Variants in COL24A1 observed in about 807,000 individuals in gnomAD.
COL24A1 encodes collagen alpha-1(XXIV) chain.
Under a neutral mutation model 253.9 loss-of-function variants are expected in COL24A1, and 224 were observed. The observed-to-expected ratio is 0.88, with a 90% CI of 0.79 to 0.99. COL24A1 has a LOEUF of 0.99. Ranked by LOEUF, COL24A1 falls within the 50% of genes least tolerant of loss-of-function variation. The probability of loss-of-function intolerance (pLI) is 0.00; values close to 1 mark genes in which losing one functional copy is unlikely to be tolerated. For missense variants in COL24A1, 2,131 were observed against 2,068.5 expected (o/e 1.03, Z -0.59); for synonymous variants, 685 against 673.7 (o/e 1.02, Z -0.26).
At chr1:86,040,212 G>A (rs1304202526) in intron 12 of COL24A1, among the ~76,000 whole-genome samples, 1 of 151,888 alleles carries the variant, frequency 6.6e-6, no homozygotes, top group Non-Finnish European at 1.5e-5. Flanking sequence ...TGCCCTCCTA[G>A]AGAATATAAT....
intron 4 of COL24A1, among the ~76,000 whole-genome samples, chr1:86,113,141 T>C (rs1302971663): frequency 6.6e-6 from 1 of 152,256 alleles, no homozygotes; most frequent in Non-Finnish European, 1.5e-5. Context: ...TAATCTGAAT[T>C]CAAAAATTGA....
At chr1:85,818,754 G>A (rs2062027) in intron 45 of COL24A1, among the ~76,000 whole-genome samples, 3,030 of 152,254 alleles carry the variant, frequency 0.02, 95 homozygotes, top group African/African-American at 0.07. Context: ...AGTATTTAAA[G>A]AAGAAAATGT....
chr1:86,081,494 T>C (rs1466930823), intron 7 of COL24A1, among the ~76,000 whole-genome samples: 1 of 152,196 alleles, frequency 6.6e-6, no homozygotes, highest in East Asian at 1.9e-4. Flanking sequence ...ATGTTATCAC[T>C]ACTCCTTTAT....
rs139701114 is a variant in COL24A1, at chr1:85,933,582, C to T, written c.2563-22149G>A. 2.0e-3 allele frequency among the ~76,000 whole-genome samples: 310 copies of T among 152,260 alleles called. 10 individuals carry two copies. The South Asian group carries it at 0.052, about 26-fold the overall frequency. On this transcript the variant is annotated intron_variant, in intron 24 of 59. Coordinates refer to ENST00000370571, the MANE Select transcript of COL24A1 (RefSeq NM_152890.7). ...TGCCATATAACCTCTTCCTTCTTAA[C>T]AGAAGTACTTTCTGAAAGGCAGACT...
chr1:85,734,759 T>A lies in COL24A1; in HGVS notation c.4988A>T (p.Asp1663Val). 1 of 1,613,982 alleles carries A rather than the reference T, an allele frequency of 6.2e-7. No homozygotes were observed. The highest frequency in any genetic ancestry group is 8.5e-7 in the Non-Finnish European group (1 of 1,179,830). The change falls in exon 59 of 60, where the codon GAT becomes GTT. Residue 1663 changes from aspartate to valine, a missense_variant. By Grantham distance (152) the Asp-to-Val change is radical. Coordinates refer to ENST00000370571, the MANE Select transcript of COL24A1 (RefSeq NM_152890.7). ...GTGCCATTTCCTTACCTTGCAGTCATCTGAAAGCACTTTAGGTTCAAGTAG... is the reference window on the plus strand; with the variant it reads ...GTGCCATTTCCTTACCTTGCAGTCAACTGAAAGCACTTTAGGTTCAAGTAG... ...NTLLEPKVLS[D>V]DCKIQDGSWH... is the part of the protein sequence containing the mutation.
intron 24 of COL24A1, among the ~76,000 whole-genome samples, chr1:85,953,758 C>A (rs1039830827): frequency 1.3e-5 from 2 of 152,084 alleles, no homozygotes; most frequent in African/African-American, 4.8e-5. Flanking sequence ...TAATGTTTAA[C>A]CCTATTAGGA....
At chr1:86,034,794 CTTACT>C (rs1170310774) in intron 12 of COL24A1, among the ~76,000 whole-genome samples, 6 of 152,094 alleles carry the variant, frequency 3.9e-5, no homozygotes, top group African/African-American at 9.7e-5. Context: ...CTCAGCTACT[CTTACT>C]TTACAATACT....
At chr1:86,025,313 G>A (rs1426701361) in intron 14 of COL24A1, among the ~76,000 whole-genome samples, 4 of 152,154 alleles carry the variant, frequency 2.6e-5, no homozygotes, top group East Asian at 1.9e-4. Flanking sequence ...AGAGACAGAG[G>A]AGCCTCCCAC....
At chr1:85,791,437 A>G (rs148818442) in intron 47 of COL24A1, among the ~76,000 whole-genome samples, 1 of 152,274 alleles carries the variant, frequency 6.6e-6, no homozygotes, top group African/African-American at 2.4e-5. Context: ...GAATTATTGG[A>G]TAAATTTGGA....
At chr1:86,145,352 AAAAC>A (rs1311081460) in intron 2 of COL24A1, among the ~76,000 whole-genome samples, 3 of 152,126 alleles carry the variant, frequency 2.0e-5, no homozygotes, top group South Asian at 4.1e-4. Flanking sequence ...GCAGAGGAGA[AAAAC>A]AAACAAACAA....
chr1:86,069,406 G>T (rs1212239743), intron 7 of COL24A1, among the ~76,000 whole-genome samples: 1 of 152,206 alleles, frequency 6.6e-6, no homozygotes, highest in East Asian at 1.9e-4. Context: ...GAAGGACTCT[G>T]TATTATGGTT....
At chr1:85,841,187 T>C (rs1475471477) in intron 42 of COL24A1, 35 bp downstream of exon 42, 2 of 1,493,534 alleles carry the variant, frequency 1.3e-6, no homozygotes, top group Non-Finnish European at 1.8e-6. Flanking sequence ...GTGTTTTATC[T>C]TGAATAACCA....
intron 24 of COL24A1, among the ~76,000 whole-genome samples, chr1:85,927,085 G>T (rs557669056): frequency 2.0e-5 from 3 of 151,908 alleles, no homozygotes; most frequent in Admixed American, 1.3e-4. Flanking sequence ...GAGCCAAGAC[G>T]GCCGAATAGG....
intron 24 of COL24A1, among the ~76,000 whole-genome samples, chr1:85,932,561 A>G (rs1687840076): frequency 9.8e-6 from 1 of 101,774 alleles, no homozygotes; most frequent in Non-Finnish European, 1.9e-5. Flanking sequence ...TAGAAATACC[A>G]TTTGACCCAG....
intron 10 of COL24A1, among the ~76,000 whole-genome samples, chr1:86,055,713 A>G (rs914034385): frequency 6.6e-6 from 1 of 152,212 alleles, no homozygotes; most frequent in African/African-American, 2.4e-5. Flanking sequence ...ATCTTGTTTA[A>G]TTTTTCACAA....
At chr1:86,152,258 A>C (rs1652878680) in intron 1 of COL24A1, among the ~76,000 whole-genome samples, 1 of 152,228 alleles carries the variant, frequency 6.6e-6, no homozygotes, top group African/African-American at 2.4e-5. Context: ...GAGCACCCCC[A>C]ATCTAAAAAT....
rs192612139 is a variant in COL24A1, at chr1:86,045,774, G to A, written c.1950+1051C>T. 9 of 382,960 alleles carry A rather than the reference G, an allele frequency of 2.4e-5. No individual in the cohort carries two copies. In the East Asian group the frequency reaches 6.7e-4, roughly 29 times the overall value. 23.7% of individuals were successfully genotyped at this position (382,960 alleles called of 1,614,324 possible). ...ATGTTTGGCTTATTTTGTATTTCTT[G>A]ACAGTTTGGTAAGTTTATCTTAATA... On this transcript the variant is annotated intron_variant, in intron 12 of 59. Coordinates refer to ENST00000370571, the MANE Select transcript of COL24A1 (RefSeq NM_152890.7).
At chr1:85,820,514 G>A (rs1673513771) in intron 45 of COL24A1, among the ~76,000 whole-genome samples, 1 of 152,198 alleles carries the variant, frequency 6.6e-6, no homozygotes, top group Admixed American at 6.5e-5. Context: ...CCAATACGGT[G>A]AGACAATAGC....
At chr1:85,891,364 G>A (rs1000298694) in intron 31 of COL24A1, among the ~76,000 whole-genome samples, 4 of 151,786 alleles carry the variant, frequency 2.6e-5, no homozygotes, top group African/African-American at 9.7e-5. Flanking sequence ...GCGCCCGGCC[G>A]TAAGTTGCAT....
Sources: allele counts gnomAD v4.1 joint callset (sites outside exome capture counted in the v4.1 genomes callset), GRCh38; gene constraint gnomAD v4.1.1; transcripts MANE v1.5; gene names NCBI Gene and HGNC (gene_info 2026-07-23, HGNC 2026-07-21).